Variants in MTHFD1L observed in about 807,000 individuals in gnomAD.
MTHFD1L encodes methylenetetrahydrofolate dehydrogenase (NADP+ dependent) 1 like.
MTHFD1L carries 81 observed loss-of-function variants against 119.5 expected under a neutral mutation model. That is an observed-to-expected ratio of 0.68 (90% CI 0.57 to 0.82). The LOEUF (loss-of-function observed/expected upper bound fraction) is 0.82, where lower values mean the gene tolerates loss of function less well. MTHFD1L is among the 40% of genes least tolerant of loss of function. The pLI is 0.00. For missense variants in MTHFD1L, 1,125 were observed against 1,253.4 expected (o/e 0.90, Z 1.55); for synonymous variants, 430 against 475.2 (o/e 0.90, Z 1.24).
intron 20 of MTHFD1L, among the ~76,000 whole-genome samples, chr6:150,981,403 TTAAAA>T (rs1315067028): frequency 6.6e-6 from 1 of 152,252 alleles, no homozygotes; most frequent in Non-Finnish European, 1.5e-5. Context: ...CGTCAAAAAT[TTAAAA>T]TACCCCACGG....
In MTHFD1L at chr6:150,990,000, C is replaced by T. The variant is rs149546355; in HGVS notation, c.2125+17942C>T. 6.5e-3 allele frequency among the ~76,000 whole-genome samples: 993 copies of T among 152,250 alleles called. 9 individuals are homozygous for T. Among genetic ancestry groups the T allele is most frequent in the African/African-American group, 0.023 (947 of 41,534 alleles). ...ATGGATTTAAAAGCTTTTTCAAGGCCGGGCGCAGTGGCTCACGCCTGTAAT... is the reference window on the plus strand; with the variant it reads ...ATGGATTTAAAAGCTTTTTCAAGGCTGGGCGCAGTGGCTCACGCCTGTAAT... On this transcript the variant is annotated intron_variant, in intron 20 of 27. Transcript: ENST00000367321.
intron 20 of MTHFD1L, 45 bp from the exon 21 acceptor site, chr6:151,009,774 T>C: frequency 6.2e-7 from 1 of 1,607,642 alleles, no homozygotes. Context: ...AACCTACCTT[T>C]GTTTTTAGAA....
intron 26 of MTHFD1L, among the ~76,000 whole-genome samples, chr6:151,049,998 G>C (rs1166794891): frequency 1.3e-5 from 2 of 152,098 alleles, no homozygotes; most frequent in Non-Finnish European, 2.9e-5. Flanking sequence ...GTCATGAAGT[G>C]TCCATAAAAA....
At chr6:150,960,250 A>G in intron 17 of MTHFD1L, 25 bp from the exon 18 acceptor site, 4 of 1,598,662 alleles carry the variant, frequency 2.5e-6, no homozygotes, top group South Asian at 2.2e-5. Context: ...GTCGCTGACC[A>G]CTACCTGTGT....
At chr6:150,958,214 A>G (rs1795923494) in intron 17 of MTHFD1L, among the ~76,000 whole-genome samples, 1 of 152,204 alleles carries the variant, frequency 6.6e-6, no homozygotes, top group Admixed American at 6.5e-5. Context: ...CTTTTTATTT[A>G]TCATAAGACT....
At position 151,044,422 on chromosome 6, in the gene MTHFD1L, C is replaced by T. The variant is rs542901555; in HGVS notation, c.2847+7305C>T. Reference sequence around the variant, plus strand: ...TTTCAAGCGATTCTCCTGCCTCAGCCTCCCGAGTAGCTGGGATTACAGGTG... The same window carrying T: ...TTTCAAGCGATTCTCCTGCCTCAGCTTCCCGAGTAGCTGGGATTACAGGTG... On this transcript the variant is annotated intron_variant, in intron 26 of 27. Transcript: ENST00000367321. 4.6e-5 allele frequency among the ~76,000 whole-genome samples: 7 copies of T among 151,980 alleles called. No individual in the cohort carries two copies. In the South Asian group the frequency reaches 8.4e-4, roughly 18 times the overall value.
intron 26 of MTHFD1L, among the ~76,000 whole-genome samples, chr6:151,072,879 T>G (rs1285023367): frequency 6.6e-6 from 1 of 152,118 alleles, no homozygotes. Context: ...CACACTGCAT[T>G]CTAGAGAAGG....
chr6:151,091,472 A>G (rs1321271150), intron 26 of MTHFD1L, among the ~76,000 whole-genome samples: 1 of 152,124 alleles, frequency 6.6e-6, no homozygotes, highest in Non-Finnish European at 1.5e-5. Context: ...GGGGCTTCTG[A>G]TGCAGGAGGA....
At chr6:150,896,267 T>C (rs1376830014) in intron 7 of MTHFD1L, among the ~76,000 whole-genome samples, 3 of 152,204 alleles carry the variant, frequency 2.0e-5, no homozygotes, top group Non-Finnish European at 2.9e-5. Flanking sequence ...TTATTTTGTT[T>C]TGATGTTTGT....
Position 150,905,609 on chromosome 6 carries a change from C to T in MTHFD1L, c.781-41C>T, listed in dbSNP as rs575147198. Reference sequence around the variant, plus strand: ...TCAGTAGTTACTTGTGTCTTTATGCCTCAGATCAAGATGTGCGTGTTTTTT... The same window carrying T: ...TCAGTAGTTACTTGTGTCTTTATGCTTCAGATCAAGATGTGCGTGTTTTTT... On this transcript the variant is annotated intron_variant, in intron 7 of 27. Transcript: ENST00000367321. The T allele has an allele frequency of 9.4e-5, 135 of 1,440,636 alleles. 1 individual carries two copies. In the South Asian group the frequency reaches 1.2e-3, roughly 13 times the overall value. The allele number at this position is 1,440,636 out of a possible 1,614,324, so 89.2% of individuals were successfully genotyped here.
chr6:151,006,010 CTCCCAAG>C, intron 20 of MTHFD1L, among the ~76,000 whole-genome samples: 1 of 152,184 alleles, frequency 6.6e-6, no homozygotes, highest in South Asian at 2.1e-4. Context: ...ACATCACTGG[CTCCCAAG>C]TCCCATCCTG....
At chr6:150,981,931 T>A (rs755850038) in intron 20 of MTHFD1L, among the ~76,000 whole-genome samples, 32 of 151,728 alleles carry the variant, frequency 2.1e-4, no homozygotes, top group Non-Finnish European at 4.0e-4. Context: ...ATAAAAAAAA[T>A]TTTTAATTAG....
intron 27 of MTHFD1L, chr6:151,099,673 A>G (rs1795198812): frequency 1.2e-6 from 2 of 1,605,972 alleles, no homozygotes; most frequent in Non-Finnish European, 1.7e-6. Context: ...TAGAAGATTC[A>G]GGGTCCAGAT....
intron 1 of MTHFD1L, among the ~76,000 whole-genome samples, chr6:150,874,611 G>A (rs1355457330): frequency 6.6e-6 from 1 of 152,198 alleles, no homozygotes; most frequent in East Asian, 1.9e-4. Flanking sequence ...GAAGCCTGGG[G>A]GCTCCTGTGG....
At chr6:150,957,038 C>T (rs1183491602) in intron 17 of MTHFD1L, among the ~76,000 whole-genome samples, 2 of 152,116 alleles carry the variant, frequency 1.3e-5, no homozygotes, top group African/African-American at 2.4e-5. Flanking sequence ...AAAGGACAGC[C>T]CAAAATATGG....
intron 7 of MTHFD1L, among the ~76,000 whole-genome samples, chr6:150,897,265 T>C (rs997111544): frequency 1.1e-4 from 17 of 152,202 alleles, no homozygotes; most frequent in African/African-American, 3.4e-4. Flanking sequence ...TAAAACACCA[T>C]CTATCTCCAG....
intron 8 of MTHFD1L, among the ~76,000 whole-genome samples, chr6:150,913,254 G>A (rs1157189229): frequency 7.2e-5 from 11 of 151,994 alleles, no homozygotes; most frequent in African/African-American, 1.9e-4. Context: ...TCCGCCTCCC[G>A]GGTTCACGCC....
chr6:151,011,923 C>T (rs895242047), intron 21 of MTHFD1L, among the ~76,000 whole-genome samples: 1 of 146,302 alleles, frequency 6.8e-6, no homozygotes, highest in Non-Finnish European at 1.5e-5. Context: ...ATCGCTTGAA[C>T]TTGGGAGGCA....
rs145766966 is a variant in MTHFD1L at position 150,953,088 on chromosome 6, C to G, written c.1727-2907C>G. 1.6e-3 allele frequency among the ~76,000 whole-genome samples: 238 copies of G among 152,278 alleles called. 1 individual carries two copies. The highest frequency in any genetic ancestry group is 5.6e-3 in the African/African-American group (232 of 41,562). On this transcript the variant is annotated intron_variant, in intron 16 of 27. Coordinates refer to ENST00000367321, the MANE Select transcript of MTHFD1L (RefSeq NM_015440.5). Reference sequence around the variant, plus strand: ...TGGCCATGGACCAAGGGCCCACAAGCCTCCCTCAGCCTCAGGGAATCAACC... The same window carrying G: ...TGGCCATGGACCAAGGGCCCACAAGGCTCCCTCAGCCTCAGGGAATCAACC...
Sources: gnomAD v4.1 joint callset for allele counts (sites outside exome capture counted in the v4.1 genomes callset) on GRCh38, gnomAD v4.1.1 for gene constraint, MANE v1.5 for transcripts, NCBI Gene and HGNC (gene_info 2026-07-23, HGNC 2026-07-21) for gene names.